The following WDR27 variants were observed in gnomAD, a reference collection of about 807,000 sequenced individuals.
The protein encoded by WDR27 is WD repeat domain 27, also known as WD repeat-containing protein 27.
In WDR27, 100 loss-of-function variants were observed where a neutral mutation model predicts 114.4. The ratio of observed to expected loss-of-function variants is 0.87; its 90% CI spans 0.74 to 1.03. The LOEUF (loss-of-function observed/expected upper bound fraction) is 1.03. WDR27 is among the 50% of genes least tolerant of loss of function. The pLI is 0.00. For synonymous variants in WDR27, 449 were observed against 423.1 expected, an observed-to-expected ratio of 1.06 and a Z score of -0.75; for missense variants, 1,129 against 1,092.9, an observed-to-expected ratio of 1.03 and a Z score of -0.47.
At chr6:169,453,591 A>G (rs1026492269), downstream of WDR27, among the ~76,000 whole-genome samples, 3 of 152,190 alleles carry the variant, frequency 2.0e-5, no homozygotes, top group Admixed American at 6.5e-5. Flanking sequence ...CACCTTCAAA[A>G]TTGCAGAGAA....
At chr6:169,529,818 C>G (rs984832166) in intron 25 of WDR27, among the ~76,000 whole-genome samples, 1 of 151,794 alleles carries the variant, frequency 6.6e-6, no homozygotes, top group African/African-American at 2.4e-5. Context: ...TAGTTGTTTA[C>G]TTTAAGGCTA....
intron 25 of WDR27, among the ~76,000 whole-genome samples, chr6:169,480,881 C>T (rs1461558711): frequency 6.7e-6 from 1 of 149,924 alleles, no homozygotes; most frequent in African/African-American, 2.5e-5. Context: ...GTAAACGCAC[C>T]AATCAGTGCT....
intron 24 of WDR27, among the ~76,000 whole-genome samples, chr6:169,579,671 C>A (rs575030198): frequency 1.3e-5 from 2 of 152,156 alleles, no homozygotes; most frequent in Admixed American, 1.3e-4. Context: ...TATGTGGTTC[C>A]GGAACTCCCA....
At chr6:169,546,577 T>G (rs1034363101) in intron 25 of WDR27, among the ~76,000 whole-genome samples, 3 of 152,162 alleles carry the variant, frequency 2.0e-5, no homozygotes, top group African/African-American at 7.2e-5. Flanking sequence ...TTCGTGCCAC[T>G]GAGCACACCT....
At chr6:169,664,796 C>T in intron 7 of WDR27, 2 of 995,792 alleles carry the variant, frequency 2.0e-6, no homozygotes, top group Non-Finnish European at 2.4e-6. Context: ...AAAAGGCCAA[C>T]ATCTTCAGGT....
At chr6:169,653,069 A>G (rs1190727220) in intron 13 of WDR27, among the ~76,000 whole-genome samples, 1 of 152,234 alleles carries the variant, frequency 6.6e-6, no homozygotes, top group Non-Finnish European at 1.5e-5. Context: ...GCAGCCGTCC[A>G]TGGCGGCAGA....
chr6:169,479,146 T>TGCA (rs1787595687), intron 25 of WDR27, among the ~76,000 whole-genome samples: 1 of 152,116 alleles, frequency 6.6e-6, no homozygotes, highest in African/African-American at 2.4e-5. Context: ...ATGAAAACTA[T>TGCA]GCATCTGACA....
chr6:169,517,694 C>T (rs902771679), intron 25 of WDR27, among the ~76,000 whole-genome samples: 1 of 152,056 alleles, frequency 6.6e-6, no homozygotes, highest in Non-Finnish European at 1.5e-5. Context: ...TATTGGAATG[C>T]CTTAATTTCT....
At chr6:169,583,583 T>C (rs1037908663) in intron 23 of WDR27, among the ~76,000 whole-genome samples, 2 of 150,490 alleles carry the variant, frequency 1.3e-5, no homozygotes, top group Admixed American at 6.6e-5. Flanking sequence ...TCAAATAGTT[T>C]ATTTTGGAGA....
intron 2 of WDR27, among the ~76,000 whole-genome samples, chr6:169,673,795 C>T (rs1171471878): frequency 6.6e-6 from 1 of 152,106 alleles, no homozygotes; most frequent in Non-Finnish European, 1.5e-5. Context: ...AGCTGATTGC[C>T]TTAATGTTGA....
At chr6:169,570,212 G>T (rs1801159056) in intron 25 of WDR27, among the ~76,000 whole-genome samples, 1 of 152,180 alleles carries the variant, frequency 6.6e-6, no homozygotes, top group Admixed American at 6.5e-5. Context: ...GCATGGGGTT[G>T]GGGGGTGGTT....
In WDR27 at chr6:169,701,841, C is replaced by G. The variant is rs572351617; in HGVS notation, c.-298G>C. On this transcript the variant is annotated 5_prime_UTR_variant, in exon 1 of 26. Transcript: ENST00000448612. ...GCGCAGCCCCCGCGCTCCAGCCCTG[C>G]GCCCTAGGCACACGCCCCAGAGCAG... The G allele has an allele frequency of 6.4e-6, 2 of 314,124 alleles. No individual in the cohort carries two copies. The highest frequency in any genetic ancestry group is 1.2e-5 in the Non-Finnish European group (2 of 161,906). 19.5% of individuals were successfully genotyped at this position (314,124 alleles called of 1,614,324 possible).
rs1419173438 is a variant in WDR27, at chr6:169,602,310, TG to T, written c.2332del (p.His778ThrfsTer113). The T allele has an allele frequency of 1.3e-6, 2 of 1,551,230 alleles. No individual in the cohort carries two copies. Among genetic ancestry groups the T allele is most frequent in the South Asian group, 2.4e-5 (2 of 83,756 alleles). Reference sequence around the variant, plus strand: ...GCCGCGGGTTGGATGCCCTTCAAAGTGGCGCTCACACCTACAGGGAGGAAAG... The same window carrying T: ...GCCGCGGGTTGGATGCCCTTCAAAGTGCGCTCACACCTACAGGGAGGAAAG... The part of the protein sequence containing the change: ...WDLRTLRCER[H>X]FEGHPTRGYP... On this transcript the variant is annotated frameshift_variant, in exon 23 of 26. Coordinates refer to ENST00000448612, the MANE Select transcript of WDR27 (RefSeq NM_182552.5). LOFTEE classifies it high-confidence loss of function.
At chr6:169,683,409 A>C (rs1782047134) in intron 2 of WDR27, among the ~76,000 whole-genome samples, 1 of 152,166 alleles carries the variant, frequency 6.6e-6, no homozygotes, top group Admixed American at 6.5e-5. Flanking sequence ...GCAGTGATAT[A>C]TTCAGGGAAA....
intron 25 of WDR27, among the ~76,000 whole-genome samples, chr6:169,522,284 A>G (rs1794472693): frequency 1.3e-5 from 2 of 152,098 alleles, no homozygotes; most frequent in Non-Finnish European, 2.9e-5. Flanking sequence ...ATATAAAATC[A>G]TAAATATCTA....
Position 169,602,203 on chromosome 6 carries a change from G to A in WDR27, c.2424+16C>T, listed in dbSNP as rs1236047898. On this transcript the variant is annotated intron_variant, in intron 23 of 25. Transcript: ENST00000448612. ...TCTAGACTCTCTACATTTATAGACAGTCAAACAGTACATACGTGTCTGTCC... is the reference window on the plus strand; with the variant it reads ...TCTAGACTCTCTACATTTATAGACAATCAAACAGTACATACGTGTCTGTCC... The A allele has an allele frequency of 1.2e-5, 19 of 1,520,632 alleles. No homozygotes were observed. The highest frequency in any genetic ancestry group is 1.6e-5 in the Non-Finnish European group (18 of 1,121,720). 94.2% of individuals were successfully genotyped at this position (1,520,632 alleles called of 1,614,324 possible).
chr6:169,570,931 C>T (rs1257063797), intron 25 of WDR27, among the ~76,000 whole-genome samples: 1 of 152,230 alleles, frequency 6.6e-6, no homozygotes, highest in Non-Finnish European at 1.5e-5. Context: ...ACAGCAGGAG[C>T]TGCACCTCAG....
chr6:169,669,005 T>C (rs1043331661), intron 4 of WDR27, among the ~76,000 whole-genome samples: 1 of 152,232 alleles, frequency 6.6e-6, no homozygotes, highest in African/African-American at 2.4e-5. Flanking sequence ...GGGAGAGTTA[T>C]GACACTGAGT....
intron 22 of WDR27, among the ~76,000 whole-genome samples, chr6:169,606,383 T>A (rs924048123): frequency 1.3e-5 from 2 of 152,230 alleles, no homozygotes; most frequent in African/African-American, 4.8e-5. Context: ...ACATGTGCTA[T>A]GGTGGTTTGC....
Sources: gnomAD v4.1 joint callset for allele counts (sites outside exome capture counted in the v4.1 genomes callset) on GRCh38, gnomAD v4.1.1 for gene constraint, MANE v1.5 for transcripts, NCBI Gene and HGNC (gene_info 2026-07-23, HGNC 2026-07-21) for gene names.